The following CBFA2T2 variants were observed in gnomAD, a reference collection of about 807,000 sequenced individuals.
CBFA2T2 encodes CBFA2/RUNX1 partner transcriptional co-repressor 2.
In CBFA2T2, 11 loss-of-function variants were observed where a neutral mutation model predicts 62.2. The observed-to-expected ratio is 0.18, with a 90% CI of 0.11 to 0.29. The LOEUF (loss-of-function observed/expected upper bound fraction) is 0.29, where lower values mean the gene tolerates loss of function less well. Among genes scored for constraint, CBFA2T2 ranks in the 10% least tolerant of loss-of-function variants. CBFA2T2 has a pLI of 1.00. For missense variants in CBFA2T2, 592 were observed against 774.1 expected (o/e 0.76, Z 2.79); for synonymous variants, 295 against 287.5 (o/e 1.03, Z -0.27).
At chr20:33,612,854 G>A (rs960232111) in intron 3 of CBFA2T2, among the ~76,000 whole-genome samples, 11 of 152,216 alleles carry the variant, frequency 7.2e-5, no homozygotes, top group African/African-American at 2.4e-4. Flanking sequence ...GGGAAGCCAA[G>A]GTGGGAGGAT....
intron 1 of CBFA2T2, among the ~76,000 whole-genome samples, chr20:33,533,146 AC>A (rs2012107298): frequency 6.6e-6 from 1 of 152,170 alleles, no homozygotes; most frequent in South Asian, 2.1e-4. Context: ...TAATTGACTT[AC>A]AATAAACTAC....
At position 33,636,682 on chromosome 20, in the gene CBFA2T2, T is replaced by C; in HGVS notation, c.1271T>C (p.Val424Ala). The C allele has an allele frequency of 6.2e-7, 1 of 1,613,714 alleles. No individual in the cohort carries two copies. The highest frequency in any genetic ancestry group is 8.5e-7 in the Non-Finnish European group (1 of 1,179,676). ...AACAGCAGGCCAGGTACAGGATACG[T>C]ACCTGTGGAGTTTTGGAAAAAAACA... ...EFNSRPGTGY[V>A]PVEFWKKTEE... The change falls in exon 9 of 11, where the codon GTA (valine) becomes GCA (alanine). Residue 424 changes from valine to alanine, a missense_variant. By Grantham distance (64) the Val-to-Ala change is moderately conservative (BLOSUM62 0). Transcript: ENST00000342704.
At chr20:33,536,893 G>A (rs1247171769) in intron 1 of CBFA2T2, among the ~76,000 whole-genome samples, 6 of 150,854 alleles carry the variant, frequency 4.0e-5, no homozygotes, top group Admixed American at 3.3e-4. Context: ...ACGGGATGGC[G>A]GCCGGGAAGA....
intron 6 of CBFA2T2, among the ~76,000 whole-genome samples, chr20:33,626,988 A>C (rs2016257450): frequency 6.6e-6 from 1 of 152,214 alleles, no homozygotes; most frequent in Admixed American, 6.5e-5. Flanking sequence ...GCAGAGACAA[A>C]ATTCAGACCC....
At chr20:33,617,495 T>A (rs2015753546) in intron 3 of CBFA2T2, among the ~76,000 whole-genome samples, 1 of 152,246 alleles carries the variant, frequency 6.6e-6, no homozygotes, top group Non-Finnish European at 1.5e-5. Context: ...AGTCCATTTC[T>A]CTGGCCTAAC....
intron 8 of CBFA2T2, among the ~76,000 whole-genome samples, chr20:33,634,313 T>C (rs1360252470): frequency 6.6e-6 from 1 of 152,162 alleles, no homozygotes; most frequent in African/African-American, 2.4e-5. Context: ...TATCAGTTTT[T>C]CCTCAGAATG....
intron 1 of CBFA2T2, among the ~76,000 whole-genome samples, chr20:33,503,285 C>T (rs532226393): frequency 1.0e-4 from 12 of 120,556 alleles, no homozygotes; most frequent in African/African-American, 3.1e-4. Flanking sequence ...GATGGAGTCT[C>T]GCCCAGTCGC....
intron 8 of CBFA2T2, 142 bp from the exon 9 acceptor site, chr20:33,636,498 T>A (rs910662130): frequency 1.7e-6 from 1 of 594,264 alleles, no homozygotes; most frequent in South Asian, 2.1e-5. Flanking sequence ...TATAATCTGG[T>A]TTTTAGCCCT....
chr20:33,552,272 T>C (rs1419721417), intron 1 of CBFA2T2, among the ~76,000 whole-genome samples: 1 of 152,224 alleles, frequency 6.6e-6, no homozygotes, highest in African/African-American at 2.4e-5. Context: ...AATGATGTTA[T>C]GAGACTACAT....
intron 1 of CBFA2T2, among the ~76,000 whole-genome samples, chr20:33,568,851 A>G (rs1050401879): frequency 4.6e-5 from 7 of 152,096 alleles, no homozygotes; most frequent in Middle Eastern, 3.2e-3. Context: ...AAACTATAAT[A>G]CCCTGAAATC....
At chr20:33,538,957 G>T in intron 1 of CBFA2T2, among the ~76,000 whole-genome samples, 1 of 151,642 alleles carries the variant, frequency 6.6e-6, no homozygotes. Flanking sequence ...ATAATTCCTA[G>T]CTACCAATTA....
intron 1 of CBFA2T2, among the ~76,000 whole-genome samples, chr20:33,528,635 C>A (rs2011954479): frequency 6.6e-6 from 1 of 152,116 alleles, no homozygotes; most frequent in African/African-American, 2.4e-5. Context: ...CTGCTCTGTA[C>A]CTTTTTGCCA....
intron 1 of CBFA2T2, among the ~76,000 whole-genome samples, chr20:33,558,594 T>TTTTATAAA (rs1306882613): frequency 6.6e-6 from 1 of 152,180 alleles, no homozygotes; most frequent in East Asian, 1.9e-4. Flanking sequence ...CCCCTCAATG[T>TTTTATAAA]TTTATAAATT....
chr20:33,587,633 T>G (rs2014436301), intron 1 of CBFA2T2, among the ~76,000 whole-genome samples: 1 of 149,852 alleles, frequency 6.7e-6, no homozygotes, highest in Non-Finnish European at 1.5e-5. Context: ...TCTCCTGACC[T>G]CATGATCCGC....
chr20:33,643,159 A>G (rs2016914826), intron 10 of CBFA2T2, among the ~76,000 whole-genome samples: 1 of 152,210 alleles, frequency 6.6e-6, no homozygotes, highest in African/African-American at 2.4e-5. Context: ...GAAGGAGGCC[A>G]GGACTGGAGG....
intron 1 of CBFA2T2, among the ~76,000 whole-genome samples, chr20:33,594,290 C>T (rs1240748702): frequency 2.0e-5 from 3 of 152,016 alleles, no homozygotes; most frequent in Non-Finnish European, 4.4e-5. Context: ...GGCGCAACCT[C>T]GGCTCACTGC....
chr20:33,564,152 C>G (rs2013195058), intron 1 of CBFA2T2, among the ~76,000 whole-genome samples: 1 of 152,030 alleles, frequency 6.6e-6, no homozygotes. Flanking sequence ...AGTTCTTCAG[C>G]CTTTATTTAT....
intron 1 of CBFA2T2, among the ~76,000 whole-genome samples, chr20:33,572,365 G>A (rs2146904019): frequency 6.6e-6 from 1 of 152,208 alleles, no homozygotes. Context: ...GAAAAAGAAA[G>A]TGATTTTTAT....
intron 6 of CBFA2T2, among the ~76,000 whole-genome samples, chr20:33,626,749 G>A (rs766203221): frequency 2.6e-5 from 4 of 152,128 alleles, no homozygotes; most frequent in Admixed American, 6.5e-5. Flanking sequence ...TCTTTCAGAC[G>A]CTTGGCCACA....
Sources: allele counts gnomAD v4.1 joint callset (sites outside exome capture counted in the v4.1 genomes callset), GRCh38; gene constraint gnomAD v4.1.1; transcripts MANE v1.5; gene names NCBI Gene and HGNC (gene_info 2026-07-23, HGNC 2026-07-21).